The following PAN3 variants were observed in gnomAD, a reference collection of about 807,000 sequenced individuals.
PAN3 encodes the protein PAN2-PAN3 deadenylation complex subunit PAN3.
A neutral mutation model predicts 96.2 loss-of-function variants in PAN3; 19 were observed. The observed-to-expected ratio is 0.20, with a 90% confidence interval of 0.14 to 0.29. The LOEUF (loss-of-function observed/expected upper bound fraction) is 0.29, where lower values mean the gene tolerates loss of function less well. Among genes scored for constraint, PAN3 ranks in the 10% least tolerant of loss-of-function variants. The probability of loss-of-function intolerance (pLI) is 1.00; values close to 1 mark genes in which losing one functional copy is unlikely to be tolerated. For missense variants in PAN3, 882 were observed against 1,108.1 expected (o/e 0.80, Z 2.90); for synonymous variants, 433 against 406.6 (o/e 1.06, Z -0.78).
intron 1 of PAN3, among the ~76,000 whole-genome samples, chr13:28,159,631 A>G (rs1872660890): frequency 6.6e-6 from 1 of 152,050 alleles, no homozygotes; most frequent in South Asian, 2.1e-4. Context: ...TATTTTTAGT[A>G]GAGATGGGGT....
chr13:28,255,934 G>T (rs1885102733), intron 6 of PAN3, among the ~76,000 whole-genome samples: 1 of 151,466 alleles, frequency 6.6e-6, no homozygotes, highest in Non-Finnish European at 1.5e-5. Context: ...TTTATAAAAG[G>T]CATAATTTTA....
intron 6 of PAN3, among the ~76,000 whole-genome samples, chr13:28,240,913 T>C (rs559099553): frequency 5.5e-4 from 84 of 152,364 alleles, no homozygotes; most frequent in African/African-American, 2.0e-3. Flanking sequence ...AAAACATACA[T>C]ATGCCTATGT....
intron 1 of PAN3, among the ~76,000 whole-genome samples, chr13:28,166,717 T>C (rs1410869816): frequency 6.6e-6 from 1 of 152,230 alleles, no homozygotes; most frequent in Non-Finnish European, 1.5e-5. Flanking sequence ...CTGAGTGTAC[T>C]GCACTCCTGA....
intron 5 of PAN3, among the ~76,000 whole-genome samples, chr13:28,205,129 C>A (rs949102571): frequency 6.6e-6 from 1 of 151,932 alleles, no homozygotes; most frequent in African/African-American, 2.4e-5. Context: ...TGGAAACTCA[C>A]TAGATTTACT....
rs1490134281 is a variant in PAN3 at position 28,293,467 on chromosome 13, A to G, written c.*945A>G. 2.9e-5 allele frequency: 3 copies of G among 103,538 alleles called. No homozygotes were observed. The highest frequency in any genetic ancestry group is 5.4e-5 in the Non-Finnish European group (3 of 55,716). 6.4% of individuals were successfully genotyped at this position (103,538 alleles called of 1,614,324 possible). A position where few individuals can be genotyped will look rare whatever the true frequency, so the allele number is the denominator to read the frequency against. On this transcript the variant is annotated 3_prime_UTR_variant, in exon 19 of 19. Coordinates refer to ENST00000380958, the MANE Select transcript of PAN3 (RefSeq NM_175854.8). The stretch of plus-strand genomic sequence containing the variant: ...TTGCTCTTTGAACCACAGCTTTATT[A>G]TGGTCCTTTACACTGGAGACAGACA...
intron 1 of PAN3, among the ~76,000 whole-genome samples, chr13:28,156,092 C>T (rs1872124012): frequency 6.6e-6 from 1 of 151,998 alleles, no homozygotes; most frequent in Non-Finnish European, 1.5e-5. Context: ...AGTTGAGGTG[C>T]AAGAAACCAT....
chr13:28,170,329 T>G (rs1203921016), intron 1 of PAN3, among the ~76,000 whole-genome samples: 1 of 152,228 alleles, frequency 6.6e-6, no homozygotes, highest in Non-Finnish European at 1.5e-5. Flanking sequence ...TATAAGATGG[T>G]TTTATTGTCC....
chr13:28,160,779 T>G (rs1872790431), intron 1 of PAN3, among the ~76,000 whole-genome samples: 1 of 152,202 alleles, frequency 6.6e-6, no homozygotes, highest in African/African-American at 2.4e-5. Context: ...ATTGATCTAT[T>G]TAGATTGCTG....
At position 28,167,363 on chromosome 13, in the gene PAN3, G is replaced by A. The variant is rs533462313; in HGVS notation, c.431-6909G>A. On this transcript the variant is annotated intron_variant, in intron 1 of 18. Coordinates refer to ENST00000380958, the MANE Select transcript of PAN3 (RefSeq NM_175854.8). ...TTAGTAGAGATGGGGTTTCAACCAT[G>A]TTGGCCGGGTTGGTCTCAAACTCCT... Among the ~76,000 whole-genome samples the A allele has an allele frequency of 2.7e-4, 41 of 152,024 alleles. No homozygotes were observed. In the South Asian group the frequency reaches 7.7e-3, roughly 28 times the overall value.
intron 18 of PAN3, among the ~76,000 whole-genome samples, 153 bp downstream of exon 18, chr13:28,288,275 G>A (rs1230482102): frequency 6.6e-6 from 1 of 152,178 alleles, no homozygotes; most frequent in African/African-American, 2.4e-5. Context: ...TACAATGGGA[G>A]GATTTTTACA....
rs183536441 is a variant in PAN3, at chr13:28,161,847, A to G, written c.431-12425A>G. Among the ~76,000 whole-genome samples, 263 of 152,330 alleles carry G rather than the reference A, an allele frequency of 1.7e-3. 2 individuals carry two copies. Among genetic ancestry groups the G allele is most frequent in the African/African-American group, 6.1e-3 (253 of 41,580 alleles). On this transcript the variant is annotated intron_variant, in intron 1 of 18. Transcript: ENST00000380958. The stretch of plus-strand genomic sequence containing the variant: ...GGGAGTTCCAGCTCTTCAAACAGAC[A>G]GTATGTCTTGTCCACCTGCTTTGGA...
intron 5 of PAN3, among the ~76,000 whole-genome samples, chr13:28,197,751 A>C (rs1477028263): frequency 6.6e-6 from 1 of 151,792 alleles, no homozygotes; most frequent in African/African-American, 2.4e-5. Flanking sequence ...TTGTATTTTT[A>C]GTAGAGATGG....
chr13:28,178,059 T>C (rs1875282911), intron 4 of PAN3, 124 bp downstream of exon 4: 3 of 773,034 alleles, frequency 3.9e-6, no homozygotes, highest in Non-Finnish European at 6.3e-6. Flanking sequence ...TTAGTGTTTT[T>C]CCTGCCTTTT....
chr13:28,286,973 C>A (rs951764267), intron 17 of PAN3, among the ~76,000 whole-genome samples: 2 of 152,048 alleles, frequency 1.3e-5, no homozygotes, highest in Non-Finnish European at 2.9e-5. Flanking sequence ...TAATTTTCTT[C>A]CCCCCATCCC....
At chr13:28,268,052 A>G (rs2138655834) in intron 12 of PAN3, among the ~76,000 whole-genome samples, 1 of 152,318 alleles carries the variant, frequency 6.6e-6, no homozygotes, top group East Asian at 1.9e-4. Flanking sequence ...TCTCTTTAAA[A>G]TGTTTTTCTT....
intron 1 of PAN3, among the ~76,000 whole-genome samples, chr13:28,150,452 C>T (rs954394148): frequency 2.8e-4 from 42 of 151,868 alleles, no homozygotes; most frequent in Non-Finnish European, 4.7e-4. Flanking sequence ...GGTGAAACCC[C>T]GTCTCTACTA....
intron 1 of PAN3, among the ~76,000 whole-genome samples, chr13:28,171,906 A>G (rs528112654): frequency 7.2e-5 from 11 of 152,280 alleles, no homozygotes; most frequent in African/African-American, 2.4e-4. Flanking sequence ...GTACCTAACA[A>G]AAGTCACCTC....
At chr13:28,213,413 G>A (rs1054863807) in intron 5 of PAN3, among the ~76,000 whole-genome samples, 2 of 152,056 alleles carry the variant, frequency 1.3e-5, no homozygotes, top group South Asian at 2.1e-4. Flanking sequence ...ATTGTAGACA[G>A]TATAACAGTA....
intron 4 of PAN3, among the ~76,000 whole-genome samples, chr13:28,195,162 C>T (rs1195779530): frequency 6.6e-6 from 1 of 152,100 alleles, no homozygotes; most frequent in Non-Finnish European, 1.5e-5. Context: ...GTAATCCCAG[C>T]ACTTTGGGAG....
Sources: gnomAD v4.1 joint callset for allele counts (sites outside exome capture counted in the v4.1 genomes callset) on GRCh38, gnomAD v4.1.1 for gene constraint, MANE v1.5 for transcripts, NCBI Gene and HGNC (gene_info 2026-07-23, HGNC 2026-07-21) for gene names.